LRFN5: variants seen among roughly 807,000 people sequenced by gnomAD.
The protein encoded by LRFN5 is leucine rich repeat and fibronectin type III domain containing 5, also known as leucine-rich repeat and fibronectin type-III domain-containing protein 5.
Under a neutral mutation model 45.6 loss-of-function variants are expected in LRFN5, and 24 were observed. The observed-to-expected ratio is 0.53, with a 90% CI of 0.38 to 0.74. The LOEUF (loss-of-function observed/expected upper bound fraction) is 0.74, where lower values mean the gene tolerates loss of function less well. Among genes scored for constraint, LRFN5 ranks in the 30% least tolerant of loss-of-function variants. LRFN5 has a pLI of 0.00. For synonymous variants in LRFN5, 340 were observed against 313.8 expected, an observed-to-expected ratio of 1.08 and a Z score of -0.88; for missense variants, 776 against 861.5, an observed-to-expected ratio of 0.90 and a Z score of 1.24.
chr14:41,644,959 T>A (rs1197324584), intron 1 of LRFN5, among the ~76,000 whole-genome samples: 1 of 152,172 alleles, frequency 6.6e-6, no homozygotes, highest in African/African-American at 2.4e-5. Context: ...AAAGCAGCTG[T>A]CTAGTTCCTT....
chr14:41,748,960 A>G (rs1237956557), intron 1 of LRFN5, among the ~76,000 whole-genome samples: 3 of 151,948 alleles, frequency 2.0e-5, no homozygotes, highest in African/African-American at 7.2e-5. Flanking sequence ...ATTCTATAGC[A>G]TGGCACCAGC....
At chr14:41,660,250 T>C (rs1284105620) in intron 1 of LRFN5, among the ~76,000 whole-genome samples, 2 of 152,072 alleles carry the variant, frequency 1.3e-5, no homozygotes, top group Non-Finnish European at 2.9e-5. Flanking sequence ...GGTCTTGAAC[T>C]CTTGACCTCA....
At chr14:41,767,666 C>T (rs754116236) in intron 2 of LRFN5, among the ~76,000 whole-genome samples, 8 of 152,020 alleles carry the variant, frequency 5.3e-5, no homozygotes, top group Non-Finnish European at 1.2e-4. Context: ...AATCAGGGGA[C>T]ATGAAGATCT....
chr14:41,670,467 A>G (rs1437511394), intron 1 of LRFN5, among the ~76,000 whole-genome samples: 1 of 151,072 alleles, frequency 6.6e-6, no homozygotes, highest in African/African-American at 2.4e-5. Flanking sequence ...CTATTTAAAA[A>G]TCAATAAATT....
intron 1 of LRFN5, among the ~76,000 whole-genome samples, chr14:41,627,673 T>C (rs370857022): frequency 1.3e-5 from 2 of 152,210 alleles, no homozygotes; most frequent in Non-Finnish European, 2.9e-5. Context: ...CATGGTCGAA[T>C]ATATAGATAT....
intron 1 of LRFN5, among the ~76,000 whole-genome samples, chr14:41,747,715 G>T (rs1268906124): frequency 6.6e-6 from 1 of 151,950 alleles, no homozygotes; most frequent in Non-Finnish European, 1.5e-5. Context: ...ACTATCAATA[G>T]AGTAAGAAGG....
Position 41,891,947 on chromosome 14 carries a change from G to A in LRFN5, c.2083G>A (p.Ala695Thr). Reference protein sequence around the residue: ...SVTEGPTSKRAHIKPNALLTN... With the variant: ...SVTEGPTSKRTHIKPNALLTN... ...CACAGAGGGGCCCACGTCTAAAAGA[G>A]CACATATAAAGCCAAGTAAGTTTAT... Residue 695 changes from alanine to threonine, a missense_variant, in exon 4 of 6, where the codon GCA (alanine) becomes ACA (threonine). This residue lies in a region of LRFN5 where 465 missense variants were observed against 456.4 expected (regional missense o/e 1.02). Transcript: ENST00000298119. 1 of 1,613,122 alleles carries A rather than the reference G, an allele frequency of 6.2e-7. No individual in the cohort carries two copies. Among genetic ancestry groups the A allele is most frequent in the Non-Finnish European group, 8.5e-7 (1 of 1,179,838 alleles).
chr14:41,682,808 A>C, intron 1 of LRFN5, among the ~76,000 whole-genome samples: 1 of 152,176 alleles, frequency 6.6e-6, no homozygotes, highest in East Asian at 1.9e-4. Flanking sequence ...GATTAAAGAC[A>C]TAATAAAAAA....
chr14:41,741,696 A>C (rs1319931280), intron 1 of LRFN5, among the ~76,000 whole-genome samples: 2 of 151,730 alleles, frequency 1.3e-5, no homozygotes, highest in African/African-American at 4.8e-5. Flanking sequence ...TAGACAGAGG[A>C]TATTGCATCT....
At chr14:41,839,283 A>T (rs1298632211) in intron 2 of LRFN5, among the ~76,000 whole-genome samples, 19 of 152,058 alleles carry the variant, frequency 1.2e-4, no homozygotes, top group Admixed American at 1.2e-3. Flanking sequence ...GTGGTGTCCT[A>T]GTCAAGTTGC....
At chr14:41,759,449 A>C (rs867934657) in intron 1 of LRFN5, among the ~76,000 whole-genome samples, 13 of 5,916 alleles carry the variant, frequency 2.2e-3, no homozygotes, top group East Asian at 0.024. Flanking sequence ...CTCTCTCTCT[A>C]CACACACACA....
chr14:41,887,983 G>C lies in LRFN5; in HGVS notation c.1358G>C (p.Gly453Ala). The C allele has an allele frequency of 6.2e-7, 1 of 1,606,746 alleles. No individual in the cohort carries two copies. The highest frequency in any genetic ancestry group is 1.1e-5 in the South Asian group (1 of 89,788). ...CGTATGTTTCAAATCCAGTACAATG[G>C]TACTTATGATGACACCCTTGTTTAC... The part of the protein sequence containing the change: ...GIRMFQIQYN[G>A]TYDDTLVYRM... Residue 453 changes from glycine (G) to alanine (A), a missense_variant, in exon 3 of 6, where the codon GGT becomes GCT. By Grantham distance (60) the Gly-to-Ala change is moderately conservative. Transcript: ENST00000298119. The surrounding 1 kb of genome is among the most constrained non-coding windows in gnomAD (Gnocchi z 4.8).
intron 2 of LRFN5, among the ~76,000 whole-genome samples, chr14:41,878,564 A>T (rs754366161): frequency 6.6e-6 from 1 of 152,122 alleles, no homozygotes; most frequent in African/African-American, 2.4e-5. Context: ...TGTGTAATAG[A>T]CTCTTCTTTG....
intron 1 of LRFN5, among the ~76,000 whole-genome samples, chr14:41,717,969 T>A (rs902811798): frequency 5.3e-5 from 8 of 152,118 alleles, no homozygotes; most frequent in Admixed American, 1.3e-4. Flanking sequence ...TGCTTCTCAT[T>A]TTTTGTGTTG....
At position 41,673,401 on chromosome 14, in the gene LRFN5, C is replaced by G. The variant is rs1489047053; in HGVS notation, c.-197+64839C>G. 3.5e-5 allele frequency among the ~76,000 whole-genome samples: 5 copies of G among 143,304 alleles called. 1 individual carries two copies. In the South Asian group the frequency reaches 1.1e-3, roughly 31 times the overall value. 94.0% of individuals were successfully genotyped at this position (143,304 alleles called of 152,430 possible). On this transcript the variant is annotated intron_variant, in intron 1 of 5. Coordinates refer to ENST00000298119, the MANE Select transcript of LRFN5 (RefSeq NM_152447.5). The stretch of plus-strand genomic sequence containing the variant: ...GCTGGCCGGGCAGGGGGCTGACCCG[C>G]CCCCCACCTCACTGCCGGACCGGGC...
At chr14:41,863,716 G>A (rs1160538350) in intron 2 of LRFN5, among the ~76,000 whole-genome samples, 1 of 152,104 alleles carries the variant, frequency 6.6e-6, no homozygotes, top group Non-Finnish European at 1.5e-5. Context: ...TAAGTTCTGG[G>A]ATAGACTTGG....
chr14:41,874,362 T>G (rs1263991753), intron 2 of LRFN5, among the ~76,000 whole-genome samples: 3 of 152,170 alleles, frequency 2.0e-5, no homozygotes, highest in African/African-American at 7.2e-5. Flanking sequence ...ACTCAAGATC[T>G]TTTTACTCTG....
At position 41,868,952 on chromosome 14, in the gene LRFN5, C is replaced by T. The variant is rs535418286; in HGVS notation, c.-20-17654C>T. ...CACTGGCAAATAAACATAGTGCACA[C>T]GTTTACGCTAATCACTTAATTTGCA... On this transcript the variant is annotated intron_variant, in intron 2 of 5. Coordinates refer to ENST00000298119, the MANE Select transcript of LRFN5 (RefSeq NM_152447.5). Among the ~76,000 whole-genome samples the T allele has an allele frequency of 1.9e-3, 291 of 152,170 alleles. 2 individuals are homozygous for T. Among genetic ancestry groups the T allele is most frequent in the African/African-American group, 6.3e-3 (261 of 41,530 alleles).
Position 41,893,169 on chromosome 14 carries a change from A to G in LRFN5, c.2098+1207A>G, listed in dbSNP as rs577945905. On this transcript the variant is annotated intron_variant, in intron 4 of 5. Coordinates refer to ENST00000298119, the MANE Select transcript of LRFN5 (RefSeq NM_152447.5). ...ACCAAAAACTGTGATAAATCTAACT[A>G]GAAATCATGCTGCTTAGTGAGAATA... 9.0e-5 allele frequency: 88 copies of G among 983,048 alleles called. No homozygotes were observed. The African/African-American group carries it at 1.5e-3, about 17-fold the overall frequency. 60.9% of individuals were successfully genotyped at this position (983,048 alleles called of 1,614,324 possible).
Sources: gnomAD v4.1 joint callset for allele counts (sites outside exome capture counted in the v4.1 genomes callset) on GRCh38, gnomAD v4.1.1 for gene constraint, gnomAD v4.1.1 regional missense constraint, Gnocchi (gnomAD v3.1) non-coding constraint, MANE v1.5 for transcripts, NCBI Gene and HGNC (gene_info 2026-07-23, HGNC 2026-07-21) for gene names.